GRM1: variants seen among roughly 807,000 people sequenced by gnomAD.
The protein encoded by GRM1 is metabotropic glutamate receptor 1.
A neutral mutation model predicts 90.9 loss-of-function variants in GRM1; 33 were observed. That is an observed-to-expected ratio of 0.36 (90% confidence interval 0.28 to 0.49). The LOEUF (loss-of-function observed/expected upper bound fraction) is 0.49, where lower values mean the gene tolerates loss of function less well. Ranked by LOEUF, GRM1 falls within the 20% of genes least tolerant of loss-of-function variation. The probability of loss-of-function intolerance (pLI) is 0.99; values close to 1 mark genes in which losing one functional copy is unlikely to be tolerated. For synonymous variants in GRM1, 700 were observed against 613.2 expected, an observed-to-expected ratio of 1.14 and a Z score of -2.09; for missense variants, 1,190 against 1,534.3, an observed-to-expected ratio of 0.78 and a Z score of 3.75.
At chr6:146,059,401 T>C (rs924843060) in intron 1 of GRM1, among the ~76,000 whole-genome samples, 1 of 152,100 alleles carries the variant, frequency 6.6e-6, no homozygotes, top group African/African-American at 2.4e-5. Flanking sequence ...CAGTGGGCTT[T>C]AAATATTCAG....
intron 1 of GRM1, among the ~76,000 whole-genome samples, chr6:146,085,230 A>C (rs1315032134): frequency 6.6e-6 from 1 of 152,130 alleles, no homozygotes; most frequent in Admixed American, 6.6e-5. Context: ...ACAATAGTGC[A>C]TGTTTAAATA....
At chr6:146,081,043 A>G (rs1325885522) in intron 1 of GRM1, among the ~76,000 whole-genome samples, 1 of 152,152 alleles carries the variant, frequency 6.6e-6, no homozygotes, top group Non-Finnish European at 1.5e-5. Context: ...ATGGAGTAAC[A>G]TCCATGAATA....
chr6:146,162,592 G>A (rs1777768465), intron 2 of GRM1, among the ~76,000 whole-genome samples: 3 of 152,110 alleles, frequency 2.0e-5, no homozygotes, highest in African/African-American at 7.2e-5. Context: ...ATTAAGTCAA[G>A]TAGTGTCACT....
At chr6:146,423,085 C>T (rs1778058904) in intron 7 of GRM1, among the ~76,000 whole-genome samples, 1 of 152,146 alleles carries the variant, frequency 6.6e-6, no homozygotes, top group African/African-American at 2.4e-5. Context: ...CCCTTTCTAA[C>T]TAAACTACTT....
intron 1 of GRM1, among the ~76,000 whole-genome samples, chr6:146,094,692 C>A (rs1177071427): frequency 6.6e-6 from 1 of 151,998 alleles, no homozygotes; most frequent in Non-Finnish European, 1.5e-5. Flanking sequence ...CTCAGAGACT[C>A]ATTTTAGACT....
In GRM1 at chr6:146,221,997, T is replaced by A. The variant is rs1327560109; in HGVS notation, c.950+62400T>A. On this transcript the variant is annotated intron_variant, in intron 2 of 7. Transcript: ENST00000282753. Reference sequence around the variant, plus strand: ...CACAAAAGTAGGCTCTGAGTCAGATTTGGCCCACAGACTCTAGTGTGCTGA... The same window carrying A: ...CACAAAAGTAGGCTCTGAGTCAGATATGGCCCACAGACTCTAGTGTGCTGA... 5.3e-5 allele frequency among the ~76,000 whole-genome samples: 8 copies of A among 152,102 alleles called. No homozygotes were observed. In the East Asian group the frequency reaches 1.5e-3, roughly 29 times the overall value.
intron 2 of GRM1, among the ~76,000 whole-genome samples, chr6:146,229,600 T>G (rs1330954785): frequency 6.6e-6 from 1 of 152,078 alleles, no homozygotes; most frequent in Admixed American, 6.6e-5. Flanking sequence ...GATTCTTCAA[T>G]GTTTACAAAA....
At chr6:146,361,168 T>C (rs1775452909) in intron 5 of GRM1, among the ~76,000 whole-genome samples, 1 of 152,206 alleles carries the variant, frequency 6.6e-6, no homozygotes. Flanking sequence ...TCCTATGGTC[T>C]GACCTGGGTC....
chr6:146,388,964 C>G (rs1473220790), intron 6 of GRM1, among the ~76,000 whole-genome samples: 5 of 152,100 alleles, frequency 3.3e-5, no homozygotes, highest in Non-Finnish European at 5.9e-5. Context: ...AATGAATGCT[C>G]TCACTCTGCC....
At chr6:146,104,300 C>A (rs1044622022) in intron 1 of GRM1, among the ~76,000 whole-genome samples, 1 of 151,990 alleles carries the variant, frequency 6.6e-6, no homozygotes, top group Non-Finnish European at 1.5e-5. Flanking sequence ...ATTAGCCAGG[C>A]GTGGTGGCGG....
chr6:146,337,304 A>G (rs887697514), intron 3 of GRM1, among the ~76,000 whole-genome samples: 1 of 152,144 alleles, frequency 6.6e-6, no homozygotes, highest in Non-Finnish European at 1.5e-5. Context: ...GAATGCTTTT[A>G]CTTCTCTGTG....
chr6:146,256,769 T>C (rs1207815320), intron 2 of GRM1, among the ~76,000 whole-genome samples: 1 of 152,192 alleles, frequency 6.6e-6, no homozygotes, highest in Non-Finnish European at 1.5e-5. Flanking sequence ...CTTTCTCTAC[T>C]GTGGTCCGTC....
chr6:146,405,283 T>C (rs936622409), intron 7 of GRM1, among the ~76,000 whole-genome samples: 2 of 151,970 alleles, frequency 1.3e-5, no homozygotes. Flanking sequence ...CCCAAGAGGG[T>C]GGTTATGACA....
intron 5 of GRM1, among the ~76,000 whole-genome samples, chr6:146,382,958 T>A (rs116680001): frequency 1.3e-5 from 2 of 152,230 alleles, no homozygotes; most frequent in South Asian, 4.1e-4. Context: ...AGGCATGGTA[T>A]ATAAGTCCCT....
intron 2 of GRM1, among the ~76,000 whole-genome samples, chr6:146,221,159 G>C: frequency 6.6e-6 from 1 of 152,124 alleles, no homozygotes. Context: ...ACTTAGACCA[G>C]AGGTCAAGAA....
intron 3 of GRM1, among the ~76,000 whole-genome samples, chr6:146,329,510 G>T (rs1479637268): frequency 2.0e-5 from 3 of 152,110 alleles, no homozygotes; most frequent in African/African-American, 7.2e-5. Flanking sequence ...TGAAAGCAAT[G>T]ACAAGAGTTT....
chr6:146,029,424 C>T lies in GRM1; in HGVS notation c.-94C>T. 4 of 970,996 alleles carry T rather than the reference C, an allele frequency of 4.1e-6. No homozygotes were observed. Among genetic ancestry groups the T allele is most frequent in the Non-Finnish European group, 6.7e-6 (4 of 597,230 alleles). 60.1% of individuals were successfully genotyped at this position (970,996 alleles called of 1,614,324 possible). A position where few individuals can be genotyped will look rare whatever the true frequency, so the allele number is the denominator to read the frequency against. On this transcript the variant is annotated 5_prime_UTR_variant, in exon 1 of 8. Coordinates refer to ENST00000282753, the MANE Select transcript of GRM1 (RefSeq NM_001278064.2). The stretch of plus-strand genomic sequence containing the variant: ...GCGAGGGGCACCACTCCGGGAGAGG[C>T]GGCGCTGGGCGTCTTGGGGGTGCGC...
At chr6:146,373,392 G>T (rs971494484) in intron 5 of GRM1, among the ~76,000 whole-genome samples, 1 of 152,088 alleles carries the variant, frequency 6.6e-6, no homozygotes, top group East Asian at 1.9e-4. Flanking sequence ...AACATGGCTG[G>T]CAGAAAAGAG....
chr6:146,121,636 T>C (rs1347243824), intron 1 of GRM1, among the ~76,000 whole-genome samples: 5 of 152,210 alleles, frequency 3.3e-5, no homozygotes, highest in Non-Finnish European at 7.3e-5. Context: ...GTATGTTGTG[T>C]CTTTGTTCTC....
Sources: allele counts gnomAD v4.1 joint callset (sites outside exome capture counted in the v4.1 genomes callset), GRCh38; gene constraint gnomAD v4.1.1; transcripts MANE v1.5; gene names NCBI Gene and HGNC (gene_info 2026-07-23, HGNC 2026-07-21).